NKAIN2: variants seen among roughly 807,000 people sequenced by gnomAD.
The protein encoded by NKAIN2 is sodium/potassium-transporting ATPase subunit beta-1-interacting protein 2.
Under a neutral mutation model 32.6 loss-of-function variants are expected in NKAIN2, and 14 were observed. The observed-to-expected ratio is 0.43, with a 90% CI of 0.28 to 0.67. NKAIN2 has a LOEUF of 0.67. Ranked by LOEUF, NKAIN2 falls within the 30% of genes least tolerant of loss-of-function variation. The probability of loss-of-function intolerance (pLI) is 0.17; values close to 1 mark genes in which losing one functional copy is unlikely to be tolerated. For synonymous variants in NKAIN2, 80 were observed against 87.2 expected, an observed-to-expected ratio of 0.92 and a Z score of 0.46; for missense variants, 198 against 258.3, an observed-to-expected ratio of 0.77 and a Z score of 1.60.
rs933621852 is a variant in NKAIN2, at chr6:124,719,433, A to G, written c.474+61047A>G. Among the ~76,000 whole-genome samples, 11 of 152,260 alleles carry G rather than the reference A, an allele frequency of 7.2e-5. No homozygotes were observed. The East Asian group carries it at 1.9e-3, about 27-fold the overall frequency. On this transcript the variant is annotated intron_variant, in intron 4 of 6. Coordinates refer to ENST00000368417, the MANE Select transcript of NKAIN2 (RefSeq NM_001040214.3). ...GAAATGTCTTTTGCAATCATCAATG[A>G]CTTCTTCCTGAATTGTGCCTACCAG...
chr6:124,627,847 TAC>T (rs1554237929), intron 3 of NKAIN2, among the ~76,000 whole-genome samples: 1 of 152,100 alleles, frequency 6.6e-6, no homozygotes, highest in Non-Finnish European at 1.5e-5. Context: ...CAGGTATAAA[TAC>T]ACACAGTCAG....
intron 4 of NKAIN2, among the ~76,000 whole-genome samples, chr6:124,751,259 TAAGA>T (rs1777704992): frequency 6.6e-6 from 1 of 152,016 alleles, no homozygotes; most frequent in Non-Finnish European, 1.5e-5. Context: ...TCTGGGTCCT[TAAGA>T]AAGACATTCC....
intron 3 of NKAIN2, among the ~76,000 whole-genome samples, chr6:124,582,093 C>T (rs1486678731): frequency 8.8e-5 from 13 of 148,486 alleles, no homozygotes; most frequent in Non-Finnish European, 1.3e-4. Flanking sequence ...TTTTTTTTTG[C>T]GACGATAAAC....
intron 4 of NKAIN2, among the ~76,000 whole-genome samples, chr6:124,693,197 A>G (rs1034854868): frequency 1.3e-4 from 20 of 152,320 alleles, no homozygotes; most frequent in Admixed American, 8.5e-4. Context: ...TGTTGGTCCC[A>G]TAGATTATAA....
rs116874077 is a variant in NKAIN2, at chr6:123,990,285, C to T, written c.54+186031C>T. ...GATTTTGGGTGGGGACCCAGCAAAACGTGTAGTTTGTGCTAGTATTTTAAT... is the reference window on the plus strand; with the variant it reads ...GATTTTGGGTGGGGACCCAGCAAAATGTGTAGTTTGTGCTAGTATTTTAAT... On this transcript the variant is annotated intron_variant, in intron 1 of 6. Coordinates refer to ENST00000368417, the MANE Select transcript of NKAIN2 (RefSeq NM_001040214.3). Among the ~76,000 whole-genome samples the T allele has an allele frequency of 1.1e-3, 172 of 152,234 alleles. 2 individuals are homozygous for T. The East Asian group carries it at 0.012, about 10-fold the overall frequency.
intron 3 of NKAIN2, among the ~76,000 whole-genome samples, chr6:124,513,961 C>G (rs1292144377): frequency 6.6e-6 from 1 of 152,080 alleles, no homozygotes; most frequent in African/African-American, 2.4e-5. Flanking sequence ...AAATCTTAGG[C>G]CTTGATCCAA....
chr6:124,027,572 G>A (rs966314368), intron 1 of NKAIN2, among the ~76,000 whole-genome samples: 10 of 152,012 alleles, frequency 6.6e-5, no homozygotes, highest in African/African-American at 1.7e-4. Context: ...CACAGGAAAC[G>A]CGTATGTATC....
intron 2 of NKAIN2, among the ~76,000 whole-genome samples, chr6:124,298,442 A>G (rs1296440639): frequency 2.0e-5 from 3 of 152,156 alleles, no homozygotes; most frequent in East Asian, 1.9e-4. Flanking sequence ...AACATTTTCA[A>G]TCTGACACTG....
intron 1 of NKAIN2, among the ~76,000 whole-genome samples, chr6:124,170,404 T>G (rs141104173): frequency 1.1e-4 from 17 of 152,310 alleles, no homozygotes; most frequent in African/African-American, 4.1e-4. Context: ...TATTTTTTTC[T>G]ATTTACCCTA....
rs181994645 is a variant in NKAIN2 at position 124,065,177 on chromosome 6, G to A, written c.55-217828G>A. ...ATTTCATTTAGCTTTCTAATCTAAC[G>A]CACCTGCTTTCTCTTTTCTTCATCT... On this transcript the variant is annotated intron_variant, in intron 1 of 6. Coordinates refer to ENST00000368417, the MANE Select transcript of NKAIN2 (RefSeq NM_001040214.3). 3.3e-5 allele frequency among the ~76,000 whole-genome samples: 5 copies of A among 151,598 alleles called. No individual in the cohort carries two copies. The East Asian group carries it at 5.8e-4, about 18-fold the overall frequency.
intron 1 of NKAIN2, among the ~76,000 whole-genome samples, chr6:124,173,317 A>G (rs1788988579): frequency 6.6e-6 from 1 of 152,134 alleles, no homozygotes; most frequent in Non-Finnish European, 1.5e-5. Context: ...TCATTTTAGC[A>G]TATATTACTT....
intron 3 of NKAIN2, among the ~76,000 whole-genome samples, chr6:124,419,979 T>G (rs1774675175): frequency 2.0e-5 from 3 of 152,130 alleles, no homozygotes; most frequent in Non-Finnish European, 4.4e-5. Flanking sequence ...TATGATCATT[T>G]GAATAGACTG....
At chr6:123,886,092 T>A (rs1773702514) in intron 1 of NKAIN2, among the ~76,000 whole-genome samples, 1 of 151,992 alleles carries the variant, frequency 6.6e-6, no homozygotes, top group African/African-American at 2.4e-5. Flanking sequence ...TTTTTACCTA[T>A]CAAATTAACC....
intron 3 of NKAIN2, among the ~76,000 whole-genome samples, chr6:124,598,060 C>T (rs1475357249): frequency 1.3e-5 from 2 of 152,100 alleles, no homozygotes; most frequent in Admixed American, 6.6e-5. Context: ...CTAACCTTTT[C>T]CTGAGAAAAT....
chr6:124,345,004 C>G (rs1798332997), intron 2 of NKAIN2, among the ~76,000 whole-genome samples: 1 of 152,076 alleles, frequency 6.6e-6, no homozygotes, highest in Non-Finnish European at 1.5e-5. Flanking sequence ...TGAGATACGT[C>G]CCATCAATAC....
At chr6:124,102,012 C>T (rs1336450837) in intron 1 of NKAIN2, among the ~76,000 whole-genome samples, 4 of 152,182 alleles carry the variant, frequency 2.6e-5, no homozygotes, top group African/African-American at 4.8e-5. Context: ...GATGGCCCAA[C>T]ACTCACGCAG....
At chr6:124,301,465 G>A (rs1303514631) in intron 2 of NKAIN2, among the ~76,000 whole-genome samples, 5 of 152,044 alleles carry the variant, frequency 3.3e-5, no homozygotes, top group African/African-American at 1.2e-4. Flanking sequence ...GGAGCTGTGA[G>A]AAGAAGGCCA....
intron 1 of NKAIN2, among the ~76,000 whole-genome samples, chr6:124,077,917 AATTC>A (rs1169568341): frequency 3.9e-5 from 6 of 152,024 alleles, no homozygotes; most frequent in African/African-American, 1.2e-4. Context: ...TTAAATTCTT[AATTC>A]ATTTATATGC....
chr6:124,561,481 TA>T (rs1445958030), intron 3 of NKAIN2, among the ~76,000 whole-genome samples: 1 of 152,220 alleles, frequency 6.6e-6, no homozygotes, highest in Non-Finnish European at 1.5e-5. Context: ...AAAAATATTT[TA>T]AAAACATTAA....
Sources: allele counts gnomAD v4.1 joint callset (sites outside exome capture counted in the v4.1 genomes callset), GRCh38; gene constraint gnomAD v4.1.1; transcripts MANE v1.5; gene names NCBI Gene and HGNC (gene_info 2026-07-23, HGNC 2026-07-21).